The following B3GLCT variants were observed in gnomAD, a reference collection of about 807,000 sequenced individuals.
B3GLCT encodes the protein beta-1,3-glucosyltransferase.
Under a neutral mutation model 63.4 loss-of-function variants are expected in B3GLCT, and 65 were observed. The observed-to-expected ratio is 1.03, with a 90% confidence interval of 0.84 to 1.26. The LOEUF (loss-of-function observed/expected upper bound fraction) is 1.26. Among genes scored for constraint, B3GLCT ranks in the 50% most tolerant of loss-of-function variants. The probability of loss-of-function intolerance (pLI) is 0.00; values close to 1 mark genes in which losing one functional copy is unlikely to be tolerated. For synonymous variants in B3GLCT, 233 were observed against 219.2 expected (o/e 1.06, Z -0.55); for missense variants, 577 against 604.8 (o/e 0.95, Z 0.48).
At chr13:31,232,798 ATTAT>A (rs1164474988) in intron 4 of B3GLCT, among the ~76,000 whole-genome samples, 1 of 152,152 alleles carries the variant, frequency 6.6e-6, no homozygotes, top group African/African-American at 2.4e-5. Context: ...TTCATTGTGT[ATTAT>A]TTGTTACCTG....
chr13:31,297,294 G>A (rs1873997921), intron 12 of B3GLCT, among the ~76,000 whole-genome samples: 1 of 151,004 alleles, frequency 6.6e-6, no homozygotes, highest in African/African-American at 2.4e-5. Context: ...TCCCATAGAG[G>A]TTGTTCCATT....
At chr13:31,225,392 G>A (rs1270253556) in intron 3 of B3GLCT, among the ~76,000 whole-genome samples, 1 of 152,180 alleles carries the variant, frequency 6.6e-6, no homozygotes, top group Admixed American at 6.5e-5. Context: ...CTGGGATCTG[G>A]ACTCAGCCAG....
intron 6 of B3GLCT, among the ~76,000 whole-genome samples, chr13:31,258,789 C>T (rs752437875): frequency 2.2e-4 from 34 of 152,154 alleles, no homozygotes; most frequent in Non-Finnish European, 4.3e-4. Flanking sequence ...TATTTGTTCT[C>T]ACCGGAGTTT....
chr13:31,283,220 GCTT>G (rs1873155506), intron 10 of B3GLCT: 2 of 152,212 alleles, frequency 1.3e-5, no homozygotes, highest in Admixed American at 1.3e-4. Context: ...TTTCCTCACA[GCTT>G]CTTCCAGCAT....
At chr13:31,253,422 T>C (rs1871538117) in intron 6 of B3GLCT, among the ~76,000 whole-genome samples, 1 of 151,582 alleles carries the variant, frequency 6.6e-6, no homozygotes, top group Non-Finnish European at 1.5e-5. Context: ...AAACCCCGTC[T>C]CTACTAAAAG....
intron 2 of B3GLCT, among the ~76,000 whole-genome samples, chr13:31,217,164 T>C (rs1214419036): frequency 6.6e-6 from 1 of 152,264 alleles, no homozygotes. Context: ...TGGTATTTCA[T>C]TGTGGTTTTG....
At chr13:31,237,416 C>T (rs1002573722) in intron 4 of B3GLCT, among the ~76,000 whole-genome samples, 2 of 140,068 alleles carry the variant, frequency 1.4e-5, no homozygotes, top group African/African-American at 2.7e-5. Context: ...TGCAGTGGTG[C>T]GATCTCAGCT....
intron 4 of B3GLCT, among the ~76,000 whole-genome samples, chr13:31,236,634 G>A (rs1333392922): frequency 6.6e-6 from 1 of 152,138 alleles, no homozygotes; most frequent in Non-Finnish European, 1.5e-5. Context: ...CTTTAATTTG[G>A]TCACAAGATC....
chr13:31,253,268 C>G (rs1013825682), intron 6 of B3GLCT, among the ~76,000 whole-genome samples: 1 of 152,034 alleles, frequency 6.6e-6, no homozygotes, highest in African/African-American at 2.4e-5. Context: ...CAGGAAAGAT[C>G]GAAAATCGAC....
chr13:31,227,788 C>T (rs890970520), intron 3 of B3GLCT, among the ~76,000 whole-genome samples: 9 of 152,070 alleles, frequency 5.9e-5, no homozygotes, highest in Non-Finnish European at 1.3e-4. Flanking sequence ...AAATTAAAAT[C>T]AAATTAGGTT....
chr13:31,220,012 A>G (rs1327029854), intron 2 of B3GLCT, among the ~76,000 whole-genome samples: 1 of 152,196 alleles, frequency 6.6e-6, no homozygotes, highest in East Asian at 1.9e-4. Context: ...GGGTCTTGTC[A>G]TTATTATTCC....
chr13:31,283,604 TAA>T (rs1555252633), intron 10 of B3GLCT, among the ~76,000 whole-genome samples: 2 of 150,578 alleles, frequency 1.3e-5, no homozygotes, highest in Non-Finnish European at 3.0e-5. Context: ...TCAGTTTTTT[TAA>T]AAAAAAAGCC....
intron 12 of B3GLCT, among the ~76,000 whole-genome samples, chr13:31,293,383 CTAAT>C (rs1873774373): frequency 6.6e-6 from 1 of 152,056 alleles, no homozygotes; most frequent in Non-Finnish European, 1.5e-5. Flanking sequence ...GTTGATCTGT[CTAAT>C]ATTGACAGTG....
At chr13:31,213,605 A>AAG (rs1869388058) in intron 1 of B3GLCT, among the ~76,000 whole-genome samples, 1 of 73,346 alleles carries the variant, frequency 1.4e-5, no homozygotes, top group Non-Finnish European at 2.7e-5. Context: ...AAAACAAAAC[A>AAG]ACACCCCCCC....
intron 14 of B3GLCT, among the ~76,000 whole-genome samples, chr13:31,328,016 GC>G (rs1391137102): frequency 1.2e-4 from 19 of 152,228 alleles, no homozygotes; most frequent in Non-Finnish European, 4.4e-5. Flanking sequence ...AGCAGAGGCA[GC>G]CGGTGTCCTG....
chr13:31,257,198 A>G (rs1200172590), intron 6 of B3GLCT, among the ~76,000 whole-genome samples: 2 of 152,194 alleles, frequency 1.3e-5, no homozygotes, highest in African/African-American at 4.8e-5. Flanking sequence ...ATTTGCAACC[A>G]GAGGTTTTAA....
intron 6 of B3GLCT, among the ~76,000 whole-genome samples, chr13:31,258,559 G>A (rs528954817): frequency 6.6e-6 from 1 of 152,152 alleles, no homozygotes; most frequent in South Asian, 2.1e-4. Flanking sequence ...TGAGTTGGGA[G>A]CAATTTTCTT....
intron 11 of B3GLCT, among the ~76,000 whole-genome samples, chr13:31,285,496 A>G (rs539810150): frequency 1.3e-5 from 2 of 151,932 alleles, no homozygotes; most frequent in East Asian, 3.9e-4. Context: ...TGGAAGTGAA[A>G]ATTTGGCCAC....
chr13:31,223,141 C>G, intron 3 of B3GLCT, 150 bp downstream of exon 3: 4 of 633,004 alleles, frequency 6.3e-6, no homozygotes, highest in Non-Finnish European at 8.4e-6. Flanking sequence ...AACGTTTGCT[C>G]TCCTGAAGAT....
Sources: gnomAD v4.1 joint callset for allele counts (sites outside exome capture counted in the v4.1 genomes callset) on GRCh38, gnomAD v4.1.1 for gene constraint, MANE v1.5 for transcripts, NCBI Gene and HGNC (gene_info 2026-07-23, HGNC 2026-07-21) for gene names.